Variants in HS3ST5 observed in about 807,000 individuals in gnomAD.
The protein encoded by HS3ST5 is heparan sulfate glucosamine 3-O-sulfotransferase 5.
A neutral mutation model predicts 25.4 loss-of-function variants in HS3ST5; 10 were observed. The observed-to-expected ratio is 0.39, with a 90% CI of 0.24 to 0.67. The LOEUF (loss-of-function observed/expected upper bound fraction) is 0.67, where lower values mean the gene tolerates loss of function less well. Among genes scored for constraint, HS3ST5 ranks in the 30% least tolerant of loss-of-function variants. The pLI is 0.44. For synonymous variants in HS3ST5, 170 were observed against 162.4 expected, an observed-to-expected ratio of 1.05 and a Z score of -0.36; for missense variants, 324 against 420.7, an observed-to-expected ratio of 0.77 and a Z score of 2.01.
chr6:114,258,556 GAC>G (rs1292840515), intron 1 of HS3ST5, among the ~76,000 whole-genome samples: 1 of 152,124 alleles, frequency 6.6e-6, no homozygotes, highest in Non-Finnish European at 1.5e-5. Flanking sequence ...GGGGGTGAGT[GAC>G]AGTGTCTTGT....
At chr6:114,251,732 C>T (rs1437337724) in intron 1 of HS3ST5, 1 of 152,174 alleles carries the variant, frequency 6.6e-6, no homozygotes, top group Non-Finnish European at 1.5e-5. Flanking sequence ...AAACACATAA[C>T]CCCAGGAGCT....
intron 1 of HS3ST5, among the ~76,000 whole-genome samples, chr6:114,326,010 C>T (rs1032658901): frequency 3.3e-5 from 5 of 152,146 alleles, no homozygotes; most frequent in African/African-American, 9.7e-5. Context: ...GGAGAAATTA[C>T]AAGGAACTAC....
At chr6:114,233,809 T>C (rs1488529109) in intron 1 of HS3ST5, among the ~76,000 whole-genome samples, 1 of 152,162 alleles carries the variant, frequency 6.6e-6, no homozygotes, top group Non-Finnish European at 1.5e-5. Flanking sequence ...AACAAAAGGA[T>C]CTTCAGAGAT....
intron 2 of HS3ST5, among the ~76,000 whole-genome samples, chr6:114,181,848 T>C (rs574576622): frequency 6.6e-6 from 1 of 152,022 alleles, no homozygotes; most frequent in East Asian, 1.9e-4. Flanking sequence ...GAATATTCTT[T>C]TTTCAGGGAA....
chr6:114,333,416 A>T (rs930663663), intron 1 of HS3ST5, among the ~76,000 whole-genome samples: 1 of 152,128 alleles, frequency 6.6e-6, no homozygotes, highest in Non-Finnish European at 1.5e-5. Flanking sequence ...AAAAATTTTC[A>T]AGCACTTGAT....
rs894133395 is a variant in HS3ST5 at position 114,342,418 on chromosome 6, G to A, written c.-562C>T. ...AGTAAGACGCGAGCGGGCCCCACACGCAGGCGGCGGCGGCGGCGGCGGCGG... is the reference window on the plus strand; with the variant it reads ...AGTAAGACGCGAGCGGGCCCCACACACAGGCGGCGGCGGCGGCGGCGGCGG... On this transcript the variant is annotated 5_prime_UTR_variant, in exon 1 of 5. Transcript: ENST00000312719. 2 of 193,662 alleles carry A rather than the reference G, an allele frequency of 1.0e-5. No individual in the cohort carries two copies. Among genetic ancestry groups the A allele is most frequent in the South Asian group, 1.1e-4 (1 of 9,110 alleles). 12.0% of individuals were successfully genotyped at this position (193,662 alleles called of 1,614,324 possible).
chr6:114,087,355 T>C (rs916620349), intron 3 of HS3ST5, among the ~76,000 whole-genome samples: 17 of 152,198 alleles, frequency 1.1e-4, no homozygotes, highest in Non-Finnish European at 1.9e-4. Context: ...AATATTCAGC[T>C]CAGGTGTCAC....
intron 1 of HS3ST5, among the ~76,000 whole-genome samples, chr6:114,241,994 C>A (rs1454905247): frequency 6.6e-6 from 1 of 152,212 alleles, no homozygotes; most frequent in Non-Finnish European, 1.5e-5. Context: ...AGCTTTGGGT[C>A]ATTTTTTTCT....
intron 3 of HS3ST5, among the ~76,000 whole-genome samples, chr6:114,134,002 G>A (rs541832413): frequency 2.0e-4 from 31 of 152,178 alleles, no homozygotes; most frequent in Middle Eastern, 3.4e-3. Context: ...AAGAGAGGGC[G>A]GCGGGGAGCG....
chr6:114,144,351 C>T (rs913034014), intron 3 of HS3ST5, among the ~76,000 whole-genome samples: 2 of 148,244 alleles, frequency 1.3e-5, no homozygotes, highest in African/African-American at 2.5e-5. Context: ...GGATTTCCCA[C>T]CAGTCATTGT....
At chr6:114,214,203 T>G (rs1431713586) in intron 2 of HS3ST5, among the ~76,000 whole-genome samples, 2 of 152,240 alleles carry the variant, frequency 1.3e-5, no homozygotes, top group Non-Finnish European at 2.9e-5. Flanking sequence ...AAATGTAGAC[T>G]TACAGACAAG....
At chr6:114,154,238 ATTGCTGCCTGCCTCAGT>A (rs1778592466) in intron 3 of HS3ST5, among the ~76,000 whole-genome samples, 1 of 152,174 alleles carries the variant, frequency 6.6e-6, no homozygotes, top group African/African-American at 2.4e-5. Context: ...GTGATCAATT[ATTGCTGCCTGCCTCAGT>A]GGGAAGGCGA....
At chr6:114,166,491 A>G (rs1023857440) in intron 3 of HS3ST5, among the ~76,000 whole-genome samples, 13 of 152,186 alleles carry the variant, frequency 8.5e-5, no homozygotes, top group African/African-American at 3.1e-4. Context: ...ATAGAATAAA[A>G]TAATTTTAAA....
intron 2 of HS3ST5, among the ~76,000 whole-genome samples, chr6:114,204,707 G>A (rs1781193071): frequency 6.6e-6 from 1 of 151,820 alleles, no homozygotes; most frequent in East Asian, 1.9e-4. Context: ...TTTAATATTT[G>A]AGTTGTCTTG....
At chr6:114,100,870 C>T (rs1458119434) in intron 3 of HS3ST5, among the ~76,000 whole-genome samples, 1 of 152,156 alleles carries the variant, frequency 6.6e-6, no homozygotes, top group African/African-American at 2.4e-5. Flanking sequence ...TACGATCTCA[C>T]AGTCAAGATG....
intron 1 of HS3ST5, among the ~76,000 whole-genome samples, chr6:114,237,212 T>C (rs941898465): frequency 7.9e-5 from 12 of 152,216 alleles, no homozygotes; most frequent in African/African-American, 2.7e-4. Context: ...TACAGCATCA[T>C]TTCTCTAGTT....
At chr6:114,090,658 G>A (rs901646371) in intron 3 of HS3ST5, among the ~76,000 whole-genome samples, 1 of 152,020 alleles carries the variant, frequency 6.6e-6, no homozygotes, top group Non-Finnish European at 1.5e-5. Context: ...TTCCTTTTTG[G>A]GTACTATGGA....
chr6:114,211,608 T>C (rs1474123062), intron 2 of HS3ST5, among the ~76,000 whole-genome samples: 1 of 152,242 alleles, frequency 6.6e-6, no homozygotes, highest in Non-Finnish European at 1.5e-5. Flanking sequence ...ATTCTATTAA[T>C]ATAAAGACTC....
intron 2 of HS3ST5, among the ~76,000 whole-genome samples, chr6:114,182,704 CATT>C (rs1450810645): frequency 6.6e-6 from 1 of 152,116 alleles, no homozygotes; most frequent in African/African-American, 2.4e-5. Context: ...CTAAGCTTGT[CATT>C]ATTATTAAAC....
Sources: gnomAD v4.1 joint callset for allele counts (sites outside exome capture counted in the v4.1 genomes callset) on GRCh38, gnomAD v4.1.1 for gene constraint, MANE v1.5 for transcripts, NCBI Gene and HGNC (gene_info 2026-07-23, HGNC 2026-07-21) for gene names.